KLHDC7B: variants seen among roughly 807,000 people sequenced by gnomAD.
The protein encoded by KLHDC7B is kelch domain-containing protein 7B.
KLHDC7B carries 1 observed loss-of-function variant against 0.6 expected under a neutral mutation model. That is an observed-to-expected ratio of 1.71 (90% CI 0.61 to 8.11). KLHDC7B has a LOEUF of 8.11. KLHDC7B is among the 30% of genes most tolerant of loss of function. The probability of loss-of-function intolerance (pLI) is 0.13; values close to 1 mark genes in which losing one functional copy is unlikely to be tolerated. For missense variants in KLHDC7B, 993 were observed against 894.9 expected (o/e 1.11, Z -1.40); for synonymous variants, 462 against 405.2 (o/e 1.14, Z -1.68).
rs1193171144 is a variant in KLHDC7B, at chr22:50,550,139, T to C, written c.*188T>C. On this transcript the variant is annotated 3_prime_UTR_variant, in exon 1 of 1. Coordinates refer to ENST00000648057, the MANE Select transcript of KLHDC7B (RefSeq NM_138433.5). ...AGCCCAGACTCCCTCAGCCTCTTTCTGCCCCTCACTCCACACCCAGACTGT... is the reference window on the plus strand; with the variant it reads ...AGCCCAGACTCCCTCAGCCTCTTTCCGCCCCTCACTCCACACCCAGACTGT... 7 of 600,394 alleles carry C rather than the reference T, an allele frequency of 1.2e-5. No homozygotes were observed. Among genetic ancestry groups the C allele is most frequent in the Non-Finnish European group, 2.0e-5 (7 of 346,996 alleles). 37.2% of individuals were successfully genotyped at this position (600,394 alleles called of 1,614,324 possible). A position where few individuals can be genotyped will look rare whatever the true frequency, so the allele number is the denominator to read the frequency against.
In KLHDC7B at chr22:50,548,898, G is replaced by C. The variant is rs747752028; in HGVS notation, c.2655G>C (p.Ala885=). The C allele has an allele frequency of 2.5e-6, 4 of 1,585,344 alleles. No individual in the cohort carries two copies. The African/African-American group carries it at 5.4e-5, about 21-fold the overall frequency. Residue 885 remains alanine, a synonymous_variant, in exon 1 of 1, where the codon GCG becomes GCC. Coordinates refer to ENST00000648057, the MANE Select transcript of KLHDC7B (RefSeq NM_138433.5). The surrounding 1 kb of genome is among the most constrained non-coding windows in gnomAD (Gnocchi z 5.3). ...CCGGCCTGGCGCAGGAGACCTACGC[G>C]CTGATGAGCGACAACCTGCTGCGAG... ...GEPGLAQETY[A]LMSDNLLRVL...
Position 50,548,398 on chromosome 22 carries a change from C to A in KLHDC7B, c.2155C>A (p.Pro719Thr), listed in dbSNP as rs2069757972. 6.4e-7 allele frequency: 1 copy of A among 1,556,580 alleles called. No homozygotes were observed. Among genetic ancestry groups the A allele is most frequent in the African/African-American group, 1.4e-5 (1 of 73,718 alleles). ...SETNGSPSPD[P>T]PPGLRGEGTR... ...GACCAACGGATCGCCCAGCCCAGACCCTCCCCCAGGCCTAAGAGGAGAGGG... is the reference window on the plus strand; with the variant it reads ...GACCAACGGATCGCCCAGCCCAGACACTCCCCCAGGCCTAAGAGGAGAGGG... Residue 719 changes from proline to threonine, a missense_variant, in exon 1 of 1, where the codon CCT becomes ACT. Transcript: ENST00000648057. This position sits in a 1 kb window ranked among gnomAD's most constrained non-coding sequence, Gnocchi z 5.3.
rs749997916 is a variant in KLHDC7B, at chr22:50,549,161, G to C, written c.2918G>C (p.Trp973Ser). 1.2e-6 allele frequency: 2 copies of C among 1,604,576 alleles called. No homozygotes were observed. The highest frequency in any genetic ancestry group is 1.1e-5 in the South Asian group (1 of 91,072). Residue 973 changes from tryptophan to serine, a missense_variant, in exon 1 of 1, where the codon TGG becomes TCG. Trp to Ser is a radical substitution (Grantham distance 177). Transcript: ENST00000648057. ...GTGTTCAACCCCCGGGAGAACACCT[G>C]GCGGCCCCTGACCCAGGTGCCCGAG... ...LHVFNPRENTWRPLTQVPEEA... is the reference protein window; with the variant it reads ...LHVFNPRENTSRPLTQVPEEA...
chr22:50,549,135 T>C lies in KLHDC7B; in HGVS notation c.2892T>C (p.His964=). The C allele has an allele frequency of 6.2e-7, 1 of 1,603,212 alleles. No homozygotes were observed. Residue 964 remains histidine (H), a synonymous_variant, in exon 1 of 1, where the codon CAT becomes CAC. Transcript: ENST00000648057. ...CCCTGCCTCTACCTGCGCACCTGCA[T>C]GTGTTCAACCCCCGGGAGAACACCT... is the stretch of plus-strand genomic sequence containing the variant. ...PVSLPLPAHL[H]VFNPRENTWR...
In KLHDC7B at chr22:50,545,953, C is replaced by T. The variant is rs1045364231; in HGVS notation, c.-291C>T. Among the ~76,000 whole-genome samples, 1 of 150,534 alleles carries T rather than the reference C, an allele frequency of 6.6e-6. No homozygotes were observed. The highest frequency in any genetic ancestry group is 1.5e-5 in the Non-Finnish European group (1 of 67,596). On this transcript the variant is annotated 5_prime_UTR_variant, in exon 1 of 1. Coordinates refer to ENST00000648057, the MANE Select transcript of KLHDC7B (RefSeq NM_138433.5). ...GAGCTCAGGAACGCTGCCTGAGGACCCTGGGGCCTACGAGGAGGAGAAGAG... is the reference window on the plus strand; with the variant it reads ...GAGCTCAGGAACGCTGCCTGAGGACTCTGGGGCCTACGAGGAGGAGAAGAG...
Position 50,546,521 on chromosome 22 carries a change from A to G in KLHDC7B, c.278A>G (p.Gln93Arg), listed in dbSNP as rs2069730078. The G allele has an allele frequency of 5.0e-6, 2 of 398,842 alleles. No homozygotes were observed. Among genetic ancestry groups the G allele is most frequent in the Non-Finnish European group, 8.8e-6 (2 of 226,132 alleles). 24.7% of individuals were successfully genotyped at this position (398,842 alleles called of 1,614,324 possible). The change falls in exon 1 of 1, where the codon CAG (glutamine) becomes CGG (arginine). Residue 93 changes from glutamine to arginine, a missense_variant. Transcript: ENST00000648057. The stretch of plus-strand genomic sequence containing the variant: ...GGCAGCGAGGGGCAGAGCCCAGGGC[A>G]GGGGAAACCAGAGCCCCCAGGACGC... Reference protein sequence around the residue: ...SDGSEGQSPGQGKPEPPGRGQ... With the variant: ...SDGSEGQSPGRGKPEPPGRGQ...
At position 50,548,668 on chromosome 22, in the gene KLHDC7B, C is replaced by G; in HGVS notation, c.2425C>G (p.Arg809Gly). 7.2e-6 allele frequency: 11 copies of G among 1,517,360 alleles called. No homozygotes were observed. The highest frequency in any genetic ancestry group is 9.7e-6 in the Non-Finnish European group (11 of 1,133,148). 94.0% of individuals were successfully genotyped at this position (1,517,360 alleles called of 1,614,324 possible). A position where few individuals can be genotyped will look rare whatever the true frequency, so the allele number is the denominator to read the frequency against. ...GGGGGAGGGGGGCAGCCCTGCCGGC[C>G]GCAGCGGGGCGCTCACGGAAAAGCA... is the stretch of plus-strand genomic sequence containing the variant. ...APGEGGSPAG[R>G]SGALTEKQEE... The change falls in exon 1 of 1, where the codon CGC becomes GGC. Residue 809 changes from arginine (R) to glycine (G), a missense_variant. Coordinates refer to ENST00000648057, the MANE Select transcript of KLHDC7B (RefSeq NM_138433.5). The surrounding 1 kb of genome is among the most constrained non-coding windows in gnomAD (Gnocchi z 5.3).
chr22:50,546,546 C>T lies in KLHDC7B; in HGVS notation c.303C>T (p.Arg101=). The T allele has an allele frequency of 2.5e-6, 1 of 398,716 alleles. No individual in the cohort carries two copies. Among genetic ancestry groups the T allele is most frequent in the Non-Finnish European group, 4.4e-6 (1 of 225,986 alleles). 24.7% of individuals were successfully genotyped at this position (398,716 alleles called of 1,614,324 possible). A position where few individuals can be genotyped will look rare whatever the true frequency, so the allele number is the denominator to read the frequency against. Residue 101 remains arginine, a synonymous_variant, in exon 1 of 1, where the codon CGC becomes CGT. Transcript: ENST00000648057. ...PGQGKPEPPG[R]GQQSPVPAAA... is the part of the protein sequence containing the mutation. ...AGGGGAAACCAGAGCCCCCAGGACG[C>T]GGCCAGCAGAGCCCTGTCCCTGCTG...
rs574157942 is a variant in KLHDC7B, at chr22:50,546,819, A to T, written c.576A>T (p.Thr192=). Residue 192 remains threonine (T), a synonymous_variant, in exon 1 of 1, where the codon ACA becomes ACT. Coordinates refer to ENST00000648057, the MANE Select transcript of KLHDC7B (RefSeq NM_138433.5). ...CTGGCAGCGAAGCGGAGGCGGAGAC[A>T]GGTGGTGTCAGGGCGTCCTCTCGCC... ...RSPGSEAEAE[T]GGVRASSRQA... Among the ~76,000 whole-genome samples the T allele has an allele frequency of 1.3e-5, 2 of 152,110 alleles. No homozygotes were observed. The highest frequency in any genetic ancestry group is 2.1e-4 in the South Asian group (1 of 4,830).
At position 50,549,203 on chromosome 22, in the gene KLHDC7B, G is replaced by T; in HGVS notation, c.2960G>T (p.Gly987Val). Residue 987 changes from glycine (G) to valine (V), a missense_variant, in exon 1 of 1, where the codon GGC becomes GTC. By Grantham distance (109) the Gly-to-Val change is moderately radical. Transcript: ENST00000648057. ...TQVPEEAPLR[G>V]CGLCTMHNYL... is the part of the protein sequence containing the mutation. ...GTGCCCGAGGAGGCCCCGCTTCGGG[G>T]CTGCGGTCTCTGCACCATGCACAAC... is the stretch of plus-strand genomic sequence containing the variant. 6.2e-7 allele frequency: 1 copy of T among 1,606,940 alleles called. No homozygotes were observed.
chr22:50,548,737 G>A lies in KLHDC7B; in HGVS notation c.2494G>A (p.Gly832Ser), dbSNP rs1253377553. Residue 832 changes from glycine to serine, a missense_variant, in exon 1 of 1, where the codon GGT becomes AGT. Physicochemically the swap from Gly to Ser is moderately conservative, Grantham distance 56. Transcript: ENST00000648057. This position sits in a 1 kb window ranked among gnomAD's most constrained non-coding sequence, Gnocchi z 5.3. ...CATGGTGTTTCTGCAGAGGCCCGGG[G>A]GTTGGGGGGTGGTGGAGGGGCCCCG... ...KLMVFLQRPG[G>S]WGVVEGPRKP... is the part of the protein sequence containing the mutation. The A allele has an allele frequency of 1.4e-6, 2 of 1,471,530 alleles. No individual in the cohort carries two copies. Among genetic ancestry groups the A allele is most frequent in the African/African-American group, 1.5e-5 (1 of 67,998 alleles). The allele number at this position is 1,471,530 out of a possible 1,614,324, so 91.2% of individuals were successfully genotyped here. A position where few individuals can be genotyped will look rare whatever the true frequency, so the allele number is the denominator to read the frequency against.
chr22:50,550,007 A>T lies in KLHDC7B; in HGVS notation c.*56A>T. On this transcript the variant is annotated 3_prime_UTR_variant, in exon 1 of 1. Transcript: ENST00000648057. Reference sequence around the variant, plus strand: ...TGCTCTCCAGGGAGACCCTCCTGGGATGGGCCTGAGAGGCCGGGGCTCAGG... The same window carrying T: ...TGCTCTCCAGGGAGACCCTCCTGGGTTGGGCCTGAGAGGCCGGGGCTCAGG... The T allele has an allele frequency of 1.4e-6, 2 of 1,449,392 alleles. No homozygotes were observed. The highest frequency in any genetic ancestry group is 1.8e-6 in the Non-Finnish European group (2 of 1,089,742). The allele number at this position is 1,449,392 out of a possible 1,614,324, so 89.8% of individuals were successfully genotyped here. A position where few individuals can be genotyped will look rare whatever the true frequency, so the allele number is the denominator to read the frequency against.
Position 50,550,037 on chromosome 22 carries a change from G to T in KLHDC7B, c.*86G>T. On this transcript the variant is annotated 3_prime_UTR_variant, in exon 1 of 1. Transcript: ENST00000648057. ...CCTGAGAGGCCGGGGCTCAGGGAAG[G>T]GGCTGGGATCGGAACTTCCTGCTCT... 2 of 1,342,036 alleles carry T rather than the reference G, an allele frequency of 1.5e-6. No homozygotes were observed. Among genetic ancestry groups the T allele is most frequent in the South Asian group, 1.6e-5 (1 of 62,778 alleles). 83.1% of individuals were successfully genotyped at this position (1,342,036 alleles called of 1,614,324 possible). A position where few individuals can be genotyped will look rare whatever the true frequency, so the allele number is the denominator to read the frequency against.
Position 50,548,923 on chromosome 22 carries a change from G to T in KLHDC7B, c.2680G>T (p.Val894Leu), listed in dbSNP as rs774654778. 6.3e-7 allele frequency: 1 copy of T among 1,596,654 alleles called. No individual in the cohort carries two copies. The highest frequency in any genetic ancestry group is 8.5e-7 in the Non-Finnish European group (1 of 1,173,026). The change falls in exon 1 of 1, where the codon GTG (valine) becomes TTG (leucine). Residue 894 changes from valine to leucine, a missense_variant. Physicochemically the swap from Val to Leu is conservative, Grantham distance 32 (BLOSUM62 1). Transcript: ENST00000648057. This position sits in a 1 kb window ranked among gnomAD's most constrained non-coding sequence, Gnocchi z 5.3. Reference sequence around the variant, plus strand: ...GCTGATGAGCGACAACCTGCTGCGAGTGCTGGGAGACCCGTGCCTCTACCG... The same window carrying T: ...GCTGATGAGCGACAACCTGCTGCGATTGCTGGGAGACCCGTGCCTCTACCG... ...YALMSDNLLRVLGDPCLYRRL... is the reference protein window; with the variant it reads ...YALMSDNLLRLLGDPCLYRRL...
In KLHDC7B at chr22:50,547,550, C is replaced by T; in HGVS notation, c.1307C>T (p.Thr436Ile). 1 of 399,024 alleles carries T rather than the reference C, an allele frequency of 2.5e-6. No individual in the cohort carries two copies. Among genetic ancestry groups the T allele is most frequent in the Non-Finnish European group, 4.4e-6 (1 of 226,214 alleles). 24.7% of individuals were successfully genotyped at this position (399,024 alleles called of 1,614,324 possible). Residue 436 changes from threonine (T) to isoleucine (I), a missense_variant, in exon 1 of 1, where the codon ACT becomes ATT. Transcript: ENST00000648057. ...PGPGFPPEAL[T>I]LPSPSDFLPL... ...CCGGGGTTCCCACCTGAAGCCCTGA[C>T]TCTCCCCTCTCCTTCAGACTTTTTG...
In KLHDC7B at chr22:50,548,328, G is replaced by A. The variant is rs2148695411; in HGVS notation, c.2085G>A (p.Gly695=). Residue 695 remains glycine (G), a synonymous_variant, in exon 1 of 1, where the codon GGG becomes GGA. Coordinates refer to ENST00000648057, the MANE Select transcript of KLHDC7B (RefSeq NM_138433.5). The surrounding 1 kb of genome is among the most constrained non-coding windows in gnomAD (Gnocchi z 5.3). ...SVGTVIGTGT[G]GLVEAGGQPQ... Reference sequence around the variant, plus strand: ...GGACAGTCATAGGGACAGGTACAGGGGGCCTGGTTGAGGCTGGAGGTCAGC... The same window carrying A: ...GGACAGTCATAGGGACAGGTACAGGAGGCCTGGTTGAGGCTGGAGGTCAGC... The A allele has an allele frequency of 6.4e-7, 1 of 1,551,076 alleles. No homozygotes were observed. The highest frequency in any genetic ancestry group is 1.4e-5 in the African/African-American group (1 of 73,122).
rs759805352 is a variant in KLHDC7B, at chr22:50,549,687, C to T, written c.3444C>T (p.Ala1148=). Residue 1148 remains alanine, a synonymous_variant, in exon 1 of 1, where the codon GCC becomes GCT. Coordinates refer to ENST00000648057, the MANE Select transcript of KLHDC7B (RefSeq NM_138433.5). ...ACCTGCTGCGGGGCGTGGGCGCCGC[C>T]GTGATGCGCTACAACACAGTGACCG... The part of the protein sequence containing the change: ...RFDLLRGVGA[A]VMRYNTVTGS... 2.0e-5 allele frequency: 31 copies of T among 1,559,576 alleles called. No individual in the cohort carries two copies. The highest frequency in any genetic ancestry group is 6.8e-5 in the African/African-American group (5 of 73,910).
chr22:50,548,379 C>A lies in KLHDC7B; in HGVS notation c.2136C>A (p.Asn712Lys), dbSNP rs766899118. 3 of 1,552,490 alleles carry A rather than the reference C, an allele frequency of 1.9e-6. No homozygotes were observed. Among genetic ancestry groups the A allele is most frequent in the Admixed American group, 3.9e-5 (2 of 50,998 alleles). Reference protein sequence around the residue: ...GQPQPRSSETNGSPSPDPPPG... With the variant: ...GQPQPRSSETKGSPSPDPPPG... Reference sequence around the variant, plus strand: ...CACAGCCAAGAAGCTCCGAGACCAACGGATCGCCCAGCCCAGACCCTCCCC... The same window carrying A: ...CACAGCCAAGAAGCTCCGAGACCAAAGGATCGCCCAGCCCAGACCCTCCCC... The change falls in exon 1 of 1, where the codon AAC (asparagine) becomes AAA (lysine). Residue 712 changes from asparagine (N) to lysine (K), a missense_variant. Coordinates refer to ENST00000648057, the MANE Select transcript of KLHDC7B (RefSeq NM_138433.5). The surrounding 1 kb of genome is among the most constrained non-coding windows in gnomAD (Gnocchi z 5.3).
In KLHDC7B at chr22:50,550,121, A is replaced by C. The variant is rs2069791423; in HGVS notation, c.*170A>C. The C allele has an allele frequency of 7.6e-6, 5 of 661,574 alleles. No individual in the cohort carries two copies. Among genetic ancestry groups the C allele is most frequent in the Admixed American group, 3.4e-5 (1 of 29,390 alleles). 41.0% of individuals were successfully genotyped at this position (661,574 alleles called of 1,614,324 possible). A position where few individuals can be genotyped will look rare whatever the true frequency, so the allele number is the denominator to read the frequency against. ...GGTTGTCGATTATTTTGAAGCCCAG[A>C]CTCCCTCAGCCTCTTTCTGCCCCTC... On this transcript the variant is annotated 3_prime_UTR_variant, in exon 1 of 1. Coordinates refer to ENST00000648057, the MANE Select transcript of KLHDC7B (RefSeq NM_138433.5).
Sources: gnomAD v4.1 joint callset for allele counts (sites outside exome capture counted in the v4.1 genomes callset) on GRCh38, gnomAD v4.1.1 for gene constraint, Gnocchi (gnomAD v3.1) non-coding constraint, MANE v1.5 for transcripts, NCBI Gene and HGNC (gene_info 2026-07-23, HGNC 2026-07-21) for gene names.